The following MANBA variants were observed in gnomAD, a reference collection of about 807,000 sequenced individuals.
MANBA encodes mannosidase beta, also known as beta-mannosidase.
Under a neutral mutation model 111.1 loss-of-function variants are expected in MANBA, and 83 were observed. The observed-to-expected ratio is 0.75, with a 90% confidence interval of 0.63 to 0.90. The LOEUF is 0.90. Among genes scored for constraint, MANBA ranks in the 40% least tolerant of loss-of-function variants. The probability of loss-of-function intolerance (pLI) is 0.00; values close to 1 mark genes in which losing one functional copy is unlikely to be tolerated. For missense variants in MANBA, 1,036 were observed against 1,069.0 expected, an observed-to-expected ratio of 0.97 and a Z score of 0.43; for synonymous variants, 370 against 378.7, an observed-to-expected ratio of 0.98 and a Z score of 0.27.
chr4:102,672,722 T>C (rs2110224958), intron 8 of MANBA, among the ~76,000 whole-genome samples: 1 of 152,256 alleles, frequency 6.6e-6, no homozygotes, highest in East Asian at 1.9e-4. Context: ...CAGCATTAGA[T>C]TCTCATAGGA....
intron 5 of MANBA, among the ~76,000 whole-genome samples, chr4:102,699,893 C>T (rs1362195524): frequency 1.3e-5 from 2 of 150,674 alleles, no homozygotes; most frequent in Admixed American, 1.3e-4. Flanking sequence ...AGGGAGGATT[C>T]CCTCTTTTTC....
chr4:102,678,756 C>T (rs1307625887), intron 7 of MANBA, among the ~76,000 whole-genome samples: 1 of 152,138 alleles, frequency 6.6e-6, no homozygotes, highest in East Asian at 1.9e-4. Context: ...TGAATGCATT[C>T]TTTCAAACAA....
chr4:102,752,930 T>C (rs920391256), intron 1 of MANBA, among the ~76,000 whole-genome samples: 7 of 152,214 alleles, frequency 4.6e-5, no homozygotes, highest in African/African-American at 1.7e-4. Flanking sequence ...AAAATATATC[T>C]TTCTCTGGCC....
At chr4:102,728,318 C>T (rs894881511) in intron 1 of MANBA, 2 of 534,618 alleles carry the variant, frequency 3.7e-6, no homozygotes, top group African/African-American at 3.9e-5. Context: ...TTTCTGGATG[C>T]TCCTTGGGCC....
At chr4:102,654,960 A>T (rs1177771461) in intron 12 of MANBA, among the ~76,000 whole-genome samples, 1 of 152,174 alleles carries the variant, frequency 6.6e-6, no homozygotes, top group Non-Finnish European at 1.5e-5. Context: ...ATCCTCCAAA[A>T]TATTATTAGA....
intron 1 of MANBA, among the ~76,000 whole-genome samples, chr4:102,737,672 CA>C (rs1215294168): frequency 6.6e-6 from 1 of 152,024 alleles, no homozygotes; most frequent in Non-Finnish European, 1.5e-5. Context: ...TTAGTAGAGA[CA>C]GGGTTTCATC....
chr4:102,650,380 C>G (rs1479480734), intron 13 of MANBA, among the ~76,000 whole-genome samples, 157 bp downstream of exon 13: 1 of 152,198 alleles, frequency 6.6e-6, no homozygotes, highest in African/African-American at 2.4e-5. Context: ...TATTTCATGT[C>G]CTATGTGTCA....
chr4:102,660,981 G>C (rs1730915300), intron 11 of MANBA, among the ~76,000 whole-genome samples: 1 of 151,768 alleles, frequency 6.6e-6, no homozygotes, highest in South Asian at 2.1e-4. Context: ...TACCGAATAA[G>C]CTCAACTCCA....
chr4:102,697,308 T>C (rs1732762097), intron 5 of MANBA, among the ~76,000 whole-genome samples: 1 of 152,180 alleles, frequency 6.6e-6, no homozygotes, highest in African/African-American at 2.4e-5. Flanking sequence ...CATTAAAAAA[T>C]GCATGCTTAT....
At chr4:102,642,120 G>C (rs894372347) in intron 13 of MANBA, among the ~76,000 whole-genome samples, 2 of 151,768 alleles carry the variant, frequency 1.3e-5, no homozygotes, top group African/African-American at 4.8e-5. Flanking sequence ...TTCTTAAAGG[G>C]GTGTTGTACA....
chr4:102,728,071 G>A (rs957775277), intron 1 of MANBA: 7 of 526,884 alleles, frequency 1.3e-5, no homozygotes, highest in African/African-American at 3.9e-5. Flanking sequence ...TAGAAGGCAC[G>A]CCCATGGAGA....
intron 5 of MANBA, among the ~76,000 whole-genome samples, chr4:102,712,306 T>C (rs904906025): frequency 2.0e-5 from 3 of 152,192 alleles, no homozygotes; most frequent in African/African-American, 4.8e-5. Flanking sequence ...TTAATTCATA[T>C]AAAATTCACT....
chr4:102,666,959 T>G (rs1731255292), intron 10 of MANBA: 1 of 152,218 alleles, frequency 6.6e-6, no homozygotes, highest in Non-Finnish European at 1.5e-5. Flanking sequence ...TGCATTTCTG[T>G]ATGGTTTTTC....
intron 5 of MANBA, among the ~76,000 whole-genome samples, chr4:102,697,715 C>T (rs1732793175): frequency 6.7e-6 from 1 of 150,204 alleles, no homozygotes; most frequent in African/African-American, 2.4e-5. Flanking sequence ...GCATAGTATT[C>T]CATGGTGTAT....
intron 1 of MANBA, among the ~76,000 whole-genome samples, chr4:102,756,235 CAAT>C (rs1724006592): frequency 2.0e-5 from 3 of 152,150 alleles, no homozygotes; most frequent in Non-Finnish European, 2.9e-5. Context: ...AAATGTCCAA[CAAT>C]GATAGACTGG....
intron 3 of MANBA, 66 bp downstream of exon 3, chr4:102,723,796 A>G: frequency 1.2e-6 from 1 of 867,794 alleles, no homozygotes. Context: ...ACTTTTCTCT[A>G]CTCACAAAAG....
intron 7 of MANBA, among the ~76,000 whole-genome samples, chr4:102,676,166 A>T (rs1304738457): frequency 6.6e-6 from 1 of 152,220 alleles, no homozygotes; most frequent in Non-Finnish European, 1.5e-5. Context: ...TCTTGACTTT[A>T]TGGATGTTAA....
At chr4:102,644,424 G>A (rs1183552819) in intron 13 of MANBA, among the ~76,000 whole-genome samples, 1 of 152,036 alleles carries the variant, frequency 6.6e-6, no homozygotes, top group African/African-American at 2.4e-5. Flanking sequence ...ATACACAATA[G>A]AATACGATCC....
chr4:102,737,698 G>A (rs1307811461), intron 1 of MANBA, among the ~76,000 whole-genome samples: 3 of 152,120 alleles, frequency 2.0e-5, no homozygotes, highest in Non-Finnish European at 2.9e-5. Context: ...TAGCCAGGAT[G>A]GTCTCGATCT....
Sources: allele counts gnomAD v4.1 joint callset (sites outside exome capture counted in the v4.1 genomes callset), GRCh38; gene constraint gnomAD v4.1.1; transcripts MANE v1.5; gene names NCBI Gene and HGNC (gene_info 2026-07-23, HGNC 2026-07-21).